FAM184A: variants seen among roughly 807,000 people sequenced by gnomAD.
FAM184A encodes protein FAM184A.
FAM184A carries 99 observed loss-of-function variants against 143.8 expected under a neutral mutation model. The observed-to-expected ratio is 0.69, with a 90% confidence interval of 0.58 to 0.81. The LOEUF (loss-of-function observed/expected upper bound fraction) is 0.81. FAM184A is among the 40% of genes least tolerant of loss of function. FAM184A has a pLI of 0.00. For missense variants in FAM184A, 1,217 were observed against 1,310.5 expected, an observed-to-expected ratio of 0.93 and a Z score of 1.10; for synonymous variants, 427 against 446.4, an observed-to-expected ratio of 0.96 and a Z score of 0.55.
intron 1 of FAM184A, among the ~76,000 whole-genome samples, chr6:119,045,430 T>C (rs946888036): frequency 2.0e-5 from 3 of 152,074 alleles, no homozygotes; most frequent in African/African-American, 4.8e-5. Flanking sequence ...GACATAACCA[T>C]CACCTAGGGC....
intron 1 of FAM184A, among the ~76,000 whole-genome samples, chr6:119,097,555 T>C (rs1409875532): frequency 6.6e-6 from 1 of 152,220 alleles, no homozygotes; most frequent in Non-Finnish European, 1.5e-5. Flanking sequence ...ATAAGTCTTT[T>C]CTACCACGGT....
intron 7 of FAM184A, among the ~76,000 whole-genome samples, chr6:119,004,484 T>C (rs1378025245): frequency 6.6e-6 from 1 of 152,232 alleles, no homozygotes; most frequent in African/African-American, 2.4e-5. Context: ...AAGGCAGCCA[T>C]CTTAGCCAAC....
chr6:119,054,339 C>T (rs1290817201), intron 1 of FAM184A, among the ~76,000 whole-genome samples: 1 of 152,156 alleles, frequency 6.6e-6, no homozygotes, highest in Non-Finnish European at 1.5e-5. Context: ...TTATAAACAA[C>T]AGAAATTTAT....
chr6:118,980,119 T>A lies in FAM184A; in HGVS notation c.2301+19A>T. Reference sequence around the variant, plus strand: ...TAGGCAGTTGGGTTACATTTGAACGTATGTCACATAAAACTTACTCTTTGC... The same window carrying A: ...TAGGCAGTTGGGTTACATTTGAACGAATGTCACATAAAACTTACTCTTTGC... On this transcript the variant is annotated intron_variant, in intron 10 of 17. Transcript: ENST00000338891. 3 of 1,601,480 alleles carry A rather than the reference T, an allele frequency of 1.9e-6. No individual in the cohort carries two copies. The highest frequency in any genetic ancestry group is 2.6e-6 in the Non-Finnish European group (3 of 1,168,850).
chr6:119,024,867 A>C, intron 1 of FAM184A, 54 bp from the exon 2 acceptor site: 1 of 1,447,664 alleles, frequency 6.9e-7, no homozygotes, highest in Non-Finnish European at 9.3e-7. Context: ...ATTATTTTCT[A>C]ACTTGAAGTC....
chr6:119,006,194 G>A lies in FAM184A; in HGVS notation c.1815+253C>T, dbSNP rs370882855. The A allele has an allele frequency of 2.5e-4, 190 of 764,346 alleles. 1 individual carries two copies. The highest frequency in any genetic ancestry group is 1.3e-3 in the African/African-American group (75 of 59,224). The allele number at this position is 764,346 out of a possible 1,614,324, so 47.3% of individuals were successfully genotyped here. On this transcript the variant is annotated intron_variant, in intron 7 of 17. Transcript: ENST00000338891. Reference sequence around the variant, plus strand: ...ACCAGAAGCTGGAAAATACAAGGACGGATCTTCCCTTAGAGTTTAGGAAGG... The same window carrying A: ...ACCAGAAGCTGGAAAATACAAGGACAGATCTTCCCTTAGAGTTTAGGAAGG...
chr6:118,960,837 G>GCT, intron 17 of FAM184A: 2 of 1,365,444 alleles, frequency 1.5e-6, no homozygotes, highest in Non-Finnish European at 2.0e-6. Context: ...TGTTCCTTGA[G>GCT]CTCATGCACA....
At chr6:118,961,651 A>G in intron 17 of FAM184A, 110 bp downstream of exon 17, 1 of 885,606 alleles carries the variant, frequency 1.1e-6, no homozygotes. Context: ...AAAATATTTC[A>G]TAGTAATTTT....
In FAM184A at chr6:119,024,710, CTT is replaced by C. The variant is rs759283919; in HGVS notation, c.261_262del (p.Glu89LysfsTer6). On this transcript the variant is annotated frameshift_variant, in exon 2 of 18. Coordinates refer to ENST00000338891, the MANE Select transcript of FAM184A (RefSeq NM_024581.6). LOFTEE classifies it high-confidence loss of function. ...GCTTTTATACTGCAATATTTTTTCT[CTT>C]GTTTCAGCAAGAATTTGTTGAATTT... 2 of 1,613,856 alleles carry C rather than the reference CTT, an allele frequency of 1.2e-6. No individual in the cohort carries two copies. The highest frequency in any genetic ancestry group is 2.2e-5 in the East Asian group (1 of 44,882).
chr6:119,113,819 G>A (rs1016652831), intron 1 of FAM184A, among the ~76,000 whole-genome samples: 13 of 152,086 alleles, frequency 8.5e-5, no homozygotes, highest in African/African-American at 3.1e-4. Flanking sequence ...GCTCATGACT[G>A]TAATCCCAGA....
chr6:119,012,665 T>G (rs1354840391), intron 5 of FAM184A, among the ~76,000 whole-genome samples: 1 of 152,206 alleles, frequency 6.6e-6, no homozygotes, highest in Non-Finnish European at 1.5e-5. Flanking sequence ...CATGTCAAAA[T>G]TCCAGATTCC....
At chr6:118,999,429 CAA>C (rs1784681294) in intron 9 of FAM184A, among the ~76,000 whole-genome samples, 1 of 152,158 alleles carries the variant, frequency 6.6e-6, no homozygotes, top group African/African-American at 2.4e-5. Flanking sequence ...AGGTTTTCCA[CAA>C]TAACCTCTAC....
rs191510658 is a variant in FAM184A at position 118,996,697 on chromosome 6, T to C, written c.2088+6202A>G. 2.3e-3 allele frequency among the ~76,000 whole-genome samples: 349 copies of C among 152,138 alleles called. 2 individuals carry two copies. Among genetic ancestry groups the C allele is most frequent in the African/African-American group, 7.7e-3 (321 of 41,510 alleles). On this transcript the variant is annotated intron_variant, in intron 9 of 17. Transcript: ENST00000338891. ...ACTGCTTAGGGAACCTGTCAAGGAA[T>C]CTGACTGAGTTATCTTAGGAAGAGA...
chr6:118,991,492 A>C lies in FAM184A; in HGVS notation c.2089-11142T>G, dbSNP rs534598107. On this transcript the variant is annotated intron_variant, in intron 9 of 17. Transcript: ENST00000338891. ...AAGATATTTTAGAAGTGTAACATTT[A>C]AACTGAGGTAAATGCAAATAGGAGA... Among the ~76,000 whole-genome samples the C allele has an allele frequency of 7.9e-5, 12 of 152,210 alleles. 1 individual carries two copies. The highest frequency in any genetic ancestry group is 2.9e-4 in the African/African-American group (12 of 41,514).
At chr6:119,051,574 C>G (rs1786766499) in intron 1 of FAM184A, among the ~76,000 whole-genome samples, 1 of 152,114 alleles carries the variant, frequency 6.6e-6, no homozygotes, top group Non-Finnish European at 1.5e-5. Flanking sequence ...AGAATAGATA[C>G]TCCATTTTCA....
intron 17 of FAM184A, 36 bp downstream of exon 17, chr6:118,961,720 TAAAAA>T (rs755914141): frequency 2.6e-6 from 4 of 1,533,908 alleles, no homozygotes; most frequent in East Asian, 2.3e-5. Flanking sequence ...TTTCTCAAGT[TAAAAA>T]AGAAAAGAAA....
At chr6:119,089,839 T>G (rs1582606513) in intron 1 of FAM184A, among the ~76,000 whole-genome samples, 1 of 152,336 alleles carries the variant, frequency 6.6e-6, no homozygotes, top group East Asian at 1.9e-4. Context: ...GCTATGTGCT[T>G]CTTTCTCTTT....
chr6:119,060,016 G>A (rs1442667736), intron 1 of FAM184A, among the ~76,000 whole-genome samples: 2 of 152,098 alleles, frequency 1.3e-5, no homozygotes, highest in African/African-American at 4.8e-5. Context: ...ACAAATCACA[G>A]TGTATATGAC....
chr6:119,043,258 C>G (rs542782809), intron 1 of FAM184A, among the ~76,000 whole-genome samples: 1 of 152,134 alleles, frequency 6.6e-6, no homozygotes, highest in African/African-American at 2.4e-5. Context: ...CAAGGACAGA[C>G]AGGACACAGG....
Sources: allele counts gnomAD v4.1 joint callset (sites outside exome capture counted in the v4.1 genomes callset), GRCh38; gene constraint gnomAD v4.1.1; transcripts MANE v1.5; gene names NCBI Gene and HGNC (gene_info 2026-07-23, HGNC 2026-07-21).